The following TENM2 variants were observed in gnomAD, a reference collection of about 807,000 sequenced individuals.
TENM2 encodes teneurin transmembrane protein 2, also known as teneurin-2.
A neutral mutation model predicts 245.2 loss-of-function variants in TENM2; 52 were observed. The observed-to-expected ratio is 0.21, with a 90% CI of 0.17 to 0.27. TENM2 has a LOEUF of 0.27. TENM2 is among the 10% of genes least tolerant of loss of function. The pLI is 1.00. For synonymous variants in TENM2, 1,363 were observed against 1,438.9 expected, an observed-to-expected ratio of 0.95 and a Z score of 1.19; for missense variants, 3,046 against 3,666.8, an observed-to-expected ratio of 0.83 and a Z score of 4.37.
the TENM2 span, among the ~76,000 whole-genome samples, chr5:167,084,452 C>A: frequency 1.4e-5 from 2 of 145,544 alleles, no homozygotes; most frequent in African/African-American, 5.1e-5. Context: ...CACCAGCAAC[C>A]ATAACAACAA....
At chr5:167,427,237 G>C (rs1763886843) in intron 2 of TENM2, among the ~76,000 whole-genome samples, 1 of 152,148 alleles carries the variant, frequency 6.6e-6, no homozygotes, top group African/African-American at 2.4e-5. Flanking sequence ...TGGATCACCT[G>C]AGGTTGGGGG....
chr5:167,415,274 G>GA (rs58257395), intron 2 of TENM2, among the ~76,000 whole-genome samples: 61,787 of 151,464 alleles, frequency 0.41, 13,974 homozygotes, highest in Non-Finnish European at 0.49. Flanking sequence ...CTCTTTAAAT[G>GA]AAAAAAAACT....
At chr5:167,716,601 G>A (rs1205716226) in intron 2 of TENM2, among the ~76,000 whole-genome samples, 1 of 152,092 alleles carries the variant, frequency 6.6e-6, no homozygotes, top group Non-Finnish European at 1.5e-5. Context: ...AAAAAAAGTT[G>A]CATTTTATTT....
rs763991320 is a variant in TENM2, at chr5:168,118,495, G to A, written c.2008+9G>A. 2.5e-5 allele frequency: 37 copies of A among 1,504,342 alleles called. No homozygotes were observed. Among genetic ancestry groups the A allele is most frequent in the Admixed American group, 7.4e-5 (4 of 53,948 alleles). 93.2% of individuals were successfully genotyped at this position (1,504,342 alleles called of 1,614,324 possible). ...CGAGCACTGTGAGGAAGGTAAGCCC[G>A]CCGGCCCCGGGGCTAGGCAGCAGTG... On this transcript the variant is annotated intron_variant, in intron 10 of 28. Transcript: ENST00000518659.
Position 168,204,458 on chromosome 5 carries a change from C to A in TENM2, c.3661C>A (p.Arg1221=), listed in dbSNP as rs777748749. Residue 1221 remains arginine (R), a synonymous_variant, in exon 19 of 29, where the codon CGG becomes AGG. Coordinates refer to ENST00000518659, the Ensembl canonical transcript of TENM2. The stretch of plus-strand genomic sequence containing the variant: ...CAGCATCATGGGCAATGGTCGCCGC[C>A]GGAGCATTTCCTGTCCCAGCTGCAA... 6.8e-6 allele frequency: 11 copies of A among 1,614,000 alleles called. No individual in the cohort carries two copies. In the East Asian group the frequency reaches 1.1e-4, roughly 16 times the overall value.
At chr5:168,153,559 A>G (rs1319467728) in intron 12 of TENM2, among the ~76,000 whole-genome samples, 1 of 152,234 alleles carries the variant, frequency 6.6e-6, no homozygotes, top group African/African-American at 2.4e-5. Context: ...AAAAGCCCAC[A>G]AGAAGAATCC....
chr5:167,953,182 G>GGTCTCCCCAAACACT (rs1780257685), intron 4 of TENM2, among the ~76,000 whole-genome samples: 1 of 152,198 alleles, frequency 6.6e-6, no homozygotes, highest in Non-Finnish European at 1.5e-5. Flanking sequence ...CTTTCTTGAA[G>GGTCTCCCCAAACACT]TAATAAATGA....
intron 2 of TENM2, among the ~76,000 whole-genome samples, chr5:167,720,472 T>C (rs1260842682): frequency 6.6e-6 from 1 of 152,208 alleles, no homozygotes; most frequent in Non-Finnish European, 1.5e-5. Flanking sequence ...CTCATCAATA[T>C]GCCGGGATGC....
intron 13 of TENM2, among the ~76,000 whole-genome samples, chr5:168,173,120 G>A (rs956444505): frequency 3.3e-5 from 5 of 152,052 alleles, no homozygotes; most frequent in African/African-American, 7.2e-5. Context: ...CCATGGCCAC[G>A]TGCACTGAGG....
At chr5:167,382,944 CTA>C (rs1293145014) in intron 2 of TENM2, among the ~76,000 whole-genome samples, 17 of 145,414 alleles carry the variant, frequency 1.2e-4, no homozygotes, top group Admixed American at 8.1e-4. Context: ...ATATATAAAA[CTA>C]TGTGTTGTTT....
rs187837070 is a variant in TENM2, at chr5:167,455,158, T to C, written c.502+79685T>C. On this transcript the variant is annotated intron_variant, in intron 2 of 28. Transcript: ENST00000518659. Reference sequence around the variant, plus strand: ...TGCTTCCAAGTGTTGTGTAGACTCATTAATGTTTAATTCTTTATTTTGAGA... The same window carrying C: ...TGCTTCCAAGTGTTGTGTAGACTCACTAATGTTTAATTCTTTATTTTGAGA... 3.3e-5 allele frequency among the ~76,000 whole-genome samples: 5 copies of C among 152,306 alleles called. No individual in the cohort carries two copies. The East Asian group carries it at 9.7e-4, about 29-fold the overall frequency.
At chr5:168,063,957 C>G (rs1316912951) in intron 7 of TENM2, among the ~76,000 whole-genome samples, 1 of 150,924 alleles carries the variant, frequency 6.6e-6, no homozygotes, top group East Asian at 1.9e-4. Flanking sequence ...AGTGAGTCCT[C>G]CATCCATCCA....
chr5:167,781,957 T>C (rs1176878637), intron 2 of TENM2, among the ~76,000 whole-genome samples: 1 of 151,828 alleles, frequency 6.6e-6, no homozygotes. Context: ...GCATGAGCCA[T>C]GATTGCATCG....
At position 167,956,875 on chromosome 5, in the gene TENM2, A is replaced by G. The variant is rs1354441723; in HGVS notation, c.947+4053A>G. Among the ~76,000 whole-genome samples, 3 of 152,184 alleles carry G rather than the reference A, an allele frequency of 2.0e-5. No individual in the cohort carries two copies. In the East Asian group the frequency reaches 5.8e-4, roughly 29 times the overall value. ...GATGTGCTGCTGGCTTCAGTTTGCC[A>G]GTATTTTATTGAGGATTTTCGCATC... is the stretch of plus-strand genomic sequence containing the variant. On this transcript the variant is annotated intron_variant, in intron 4 of 28. Transcript: ENST00000518659.
chr5:167,466,525 T>C lies in TENM2; in HGVS notation c.502+91052T>C, dbSNP rs373812149. On this transcript the variant is annotated intron_variant, in intron 2 of 28. Transcript: ENST00000518659. ...GGTTTCTCATTCATTGCAATTATCA[T>C]AGTGGCTGATATCTTGCACCATGAT... is the stretch of plus-strand genomic sequence containing the variant. Among the ~76,000 whole-genome samples the C allele has an allele frequency of 5.9e-5, 9 of 152,358 alleles. No individual in the cohort carries two copies. In the South Asian group the frequency reaches 8.3e-4, roughly 14 times the overall value.
intron 2 of TENM2, among the ~76,000 whole-genome samples, chr5:167,835,241 A>C (rs1325241493): frequency 6.6e-6 from 1 of 152,194 alleles, no homozygotes; most frequent in Non-Finnish European, 1.5e-5. Context: ...GGTGTGATTC[A>C]CCAGAGTGAG....
At chr5:168,113,141 A>AC (rs1158879013) in intron 9 of TENM2, among the ~76,000 whole-genome samples, 2 of 151,666 alleles carry the variant, frequency 1.3e-5, no homozygotes, top group African/African-American at 2.4e-5. Context: ...ACATAAAGAG[A>AC]CCCCGTCTCT....
chr5:167,709,546 G>A (rs1467041485), intron 2 of TENM2, among the ~76,000 whole-genome samples: 1 of 152,188 alleles, frequency 6.6e-6, no homozygotes, highest in Non-Finnish European at 1.5e-5. Context: ...CGGTCCAGAA[G>A]CCCAGTCCAA....
chr5:167,092,770 T>G, the TENM2 span, among the ~76,000 whole-genome samples: 3 of 152,166 alleles, frequency 2.0e-5, no homozygotes, highest in African/African-American at 7.2e-5. Context: ...CCTGTAATTA[T>G]GAGCCCTTAC....
Sources: gnomAD v4.1 joint callset for allele counts (sites outside exome capture counted in the v4.1 genomes callset) on GRCh38, gnomAD v4.1.1 for gene constraint, MANE v1.5 for transcripts, NCBI Gene and HGNC (gene_info 2026-07-23, HGNC 2026-07-21) for gene names.